Variants in ZNF395 observed in about 807,000 individuals in gnomAD.
ZNF395 encodes the protein zinc finger protein 395, also known as HD gene regulatory region-binding protein 2.
A neutral mutation model predicts 57.7 loss-of-function variants in ZNF395; 20 were observed. The observed-to-expected ratio is 0.35, with a 90% CI of 0.24 to 0.50. The LOEUF (loss-of-function observed/expected upper bound fraction) is 0.50. Among genes scored for constraint, ZNF395 ranks in the 20% least tolerant of loss-of-function variants. The pLI, the probability that ZNF395 is intolerant of heterozygous loss-of-function variation, is 0.97. For missense variants in ZNF395, 606 were observed against 671.2 expected, an observed-to-expected ratio of 0.90 and a Z score of 1.07; for synonymous variants, 295 against 275.9, an observed-to-expected ratio of 1.07 and a Z score of -0.69.
Position 28,356,642 on chromosome 8 carries a change from AG to A in ZNF395, c.583+27del. 1 of 1,589,072 alleles carries A rather than the reference AG, an allele frequency of 6.3e-7. No individual in the cohort carries two copies. The highest frequency in any genetic ancestry group is 8.6e-7 in the Non-Finnish European group (1 of 1,158,702). On this transcript the variant is annotated intron_variant, in intron 4 of 9. Transcript: ENST00000344423. This position sits in a 1 kb window ranked among gnomAD's most constrained non-coding sequence, Gnocchi z 4.0. ...TTTGTCGTGGGCCTCTACCATGCCCAGAACCCAGCTGGGCCCCGCTTGCTCA... is the reference window on the plus strand; with the variant it reads ...TTTGTCGTGGGCCTCTACCATGCCCAAACCCAGCTGGGCCCCGCTTGCTCA...
chr8:28,349,182 G>A lies in ZNF395; in HGVS notation c.1373C>T (p.Pro458Leu). 6.4e-7 allele frequency: 1 copy of A among 1,563,440 alleles called. No individual in the cohort carries two copies. The highest frequency in any genetic ancestry group is 1.4e-5 in the African/African-American group (1 of 73,254). Residue 458 changes from proline to leucine, a missense_variant, in exon 9 of 10, where the codon CCT becomes CTT. Coordinates refer to ENST00000344423, the MANE Select transcript of ZNF395 (RefSeq NM_018660.3). Reference sequence around the variant, plus strand: ...GACGATCAGATGAGATTTCATCGCAGGTGCTGGCTGCTGGGGCTCGCTGAA... The same window carrying A: ...GACGATCAGATGAGATTTCATCGCAAGTGCTGGCTGCTGGGGCTCGCTGAA... ...LSFSEPQQPA[P>L]AMKSHLIVTS... is the part of the protein sequence containing the mutation.
rs1801786616 is a variant in ZNF395, at chr8:28,356,832, T to C, written c.474-53A>G. On this transcript the variant is annotated intron_variant, in intron 3 of 9. Coordinates refer to ENST00000344423, the MANE Select transcript of ZNF395 (RefSeq NM_018660.3). This position sits in a 1 kb window ranked among gnomAD's most constrained non-coding sequence, Gnocchi z 4.0. ...GTTACTTCCTGGCATGGCGGGCCCA[T>C]GGTCCTTGCAAAACGAGACACCACT... 5.5e-6 allele frequency: 8 copies of C among 1,450,682 alleles called. No homozygotes were observed. Among genetic ancestry groups the C allele is most frequent in the Non-Finnish European group, 5.7e-6 (6 of 1,057,334 alleles). The allele number at this position is 1,450,682 out of a possible 1,614,324, so 89.9% of individuals were successfully genotyped here. A position where few individuals can be genotyped will look rare whatever the true frequency, so the allele number is the denominator to read the frequency against.
chr8:28,355,033 C>T (rs551032718), intron 4 of ZNF395, among the ~76,000 whole-genome samples: 65 of 151,938 alleles, frequency 4.3e-4, no homozygotes, highest in African/African-American at 1.5e-3. Context: ...TAAAGCAAAA[C>T]GTTATCTATA....
At chr8:28,368,905 G>A (rs770164648) in intron 1 of ZNF395, among the ~76,000 whole-genome samples, 3 of 151,840 alleles carry the variant, frequency 2.0e-5, no homozygotes, top group Non-Finnish European at 2.9e-5. Flanking sequence ...GCGCCATCTC[G>A]GCTCACTGCA....
chr8:28,350,285 T>C, intron 7 of ZNF395, 129 bp from the exon 8 acceptor site: 1 of 754,730 alleles, frequency 1.3e-6, no homozygotes, highest in Non-Finnish European at 2.2e-6. Context: ...CAGAAAGAGC[T>C]GGGACACACT....
intron 4 of ZNF395, 26 bp from the exon 5 acceptor site, chr8:28,353,434 G>A (rs777362321): frequency 1.8e-5 from 26 of 1,471,110 alleles, no homozygotes; most frequent in Non-Finnish European, 1.9e-5. Context: ...AAAGATGAGA[G>A]GACGCTCACG....
At chr8:28,353,789 A>G (rs1242071417) in intron 4 of ZNF395, among the ~76,000 whole-genome samples, 1 of 151,922 alleles carries the variant, frequency 6.6e-6, no homozygotes, top group Admixed American at 6.6e-5. Context: ...CATTAAATAA[A>G]GGGGGGATGG....
At chr8:28,383,144 G>C (rs1802130258) in intron 1 of ZNF395, among the ~76,000 whole-genome samples, 1 of 152,188 alleles carries the variant, frequency 6.6e-6, no homozygotes. Context: ...TCTTCTACTA[G>C]TTCACTGATC....
chr8:28,348,259 CTTTTTTTTTTTTT>C lies in ZNF395; in HGVS notation c.*447_*459del, dbSNP rs58805614. ...CTGAGTCACCCATCAGCCAGAAACT[CTTTTTTTTTTTTT>C]TTTTTTTTTTTTTTAAGAAAAGTAA... On this transcript the variant is annotated 3_prime_UTR_variant, in exon 10 of 10. Transcript: ENST00000344423. 1 of 90,464 alleles carries C rather than the reference CTTTTTTTTTTTTT, an allele frequency of 1.1e-5. No homozygotes were observed. Among genetic ancestry groups the C allele is most frequent in the Admixed American group, 1.4e-4 (1 of 7,264 alleles). 5.6% of individuals were successfully genotyped at this position (90,464 alleles called of 1,614,324 possible).
At position 28,359,890 on chromosome 8, in the gene ZNF395, A is replaced by C. The variant is rs928603654; in HGVS notation, c.241-66T>G. ...GGGTCTCGCCCTGAAGTTCTCATGC[A>C]CCCCACGTCCCAGGAGCCAGGATCT... On this transcript the variant is annotated intron_variant, in intron 2 of 9. Transcript: ENST00000344423. This position sits in a 1 kb window ranked among gnomAD's most constrained non-coding sequence, Gnocchi z 4.7. 66 of 1,534,258 alleles carry C rather than the reference A, an allele frequency of 4.3e-5. No individual in the cohort carries two copies. The highest frequency in any genetic ancestry group is 1.7e-4 in the Admixed American group (9 of 52,506).
At chr8:28,385,380 G>T (rs993996374) in intron 1 of ZNF395, 1 of 149,296 alleles carries the variant, frequency 6.7e-6, no homozygotes, top group East Asian at 2.0e-4. Context: ...GTTTGCACAA[G>T]ACAAACTCCC....
intron 1 of ZNF395, among the ~76,000 whole-genome samples, chr8:28,381,022 T>A (rs1345872728): frequency 1.2e-5 from 1 of 86,540 alleles, no homozygotes; most frequent in Non-Finnish European, 2.1e-5. Context: ...CTAGTGTGTG[T>A]GTGTGTGTGT....
intron 1 of ZNF395, chr8:28,384,953 G>C (rs1802153715): frequency 2.6e-5 from 4 of 152,262 alleles, no homozygotes. Context: ...TCCCTGACAG[G>C]ACCTGTGGAG....
chr8:28,350,010 T>C, intron 8 of ZNF395, 54 bp downstream of exon 8: 9 of 1,477,370 alleles, frequency 6.1e-6, no homozygotes, highest in Middle Eastern at 1.8e-4. Context: ...CCCTGGGATG[T>C]GTGGGAGAGC....
Position 28,353,258 on chromosome 8 carries a change from G to A in ZNF395, c.734C>T (p.Ala245Val). 1.6e-5 allele frequency: 23 copies of A among 1,409,152 alleles called. No homozygotes were observed. Among genetic ancestry groups the A allele is most frequent in the Non-Finnish European group, 2.2e-5 (23 of 1,051,338 alleles). 87.3% of individuals were successfully genotyped at this position (1,409,152 alleles called of 1,614,324 possible). The stretch of plus-strand genomic sequence containing the variant: ...ATGATCAGTTTGGGGAGAACCAAAA[G>A]CATCCCCCAAATACTTGGGGCTGGC... ...PQASPKYLGD[A>V]FGSPQTDHGF... Residue 245 changes from alanine (A) to valine (V), a missense_variant, in exon 5 of 10, where the codon GCT becomes GTT. Ala to Val is a moderately conservative substitution (Grantham distance 64). Coordinates refer to ENST00000344423, the MANE Select transcript of ZNF395 (RefSeq NM_018660.3).
At chr8:28,361,799 T>C (rs182880085) in intron 1 of ZNF395, among the ~76,000 whole-genome samples, 1 of 152,262 alleles carries the variant, frequency 6.6e-6, no homozygotes, top group African/African-American at 2.4e-5. Context: ...CCACAGAAAC[T>C]TGCCGAGCTT....
chr8:28,377,408 A>T (rs1802054460), intron 1 of ZNF395, among the ~76,000 whole-genome samples: 1 of 152,134 alleles, frequency 6.6e-6, no homozygotes, highest in Non-Finnish European at 1.5e-5. Flanking sequence ...GTCTCAAAAA[A>T]ATTTTTTTTA....
intron 9 of ZNF395, 80 bp downstream of exon 9, chr8:28,349,019 CTCTGGGGACTAACCCTGGTGACTTCA>C (rs1801644146): frequency 8.0e-7 from 1 of 1,257,498 alleles, no homozygotes; most frequent in Non-Finnish European, 1.1e-6. Context: ...CTGGGCTCCT[CTCTGGGGACTAACCCTGGTGACTTCA>C]TCTGGGTGGG....
chr8:28,353,306 G>A lies in ZNF395; in HGVS notation c.686C>T (p.Thr229Ile). Residue 229 changes from threonine (T) to isoleucine (I), a missense_variant, in exon 5 of 10, where the codon ACC becomes ATC. This residue lies in a region of ZNF395 where 309 missense variants were observed against 374.7 expected (regional missense o/e 0.82). Coordinates refer to ENST00000344423, the MANE Select transcript of ZNF395 (RefSeq NM_018660.3). ...GGCCTGGGGGTGGGGGGGCGAGGGGGTGGAGACACCACTGCTCCCACTCCA... is the reference window on the plus strand; with the variant it reads ...GGCCTGGGGGTGGGGGGGCGAGGGGATGGAGACACCACTGCTCCCACTCCA... Reference protein sequence around the residue: ...GHWSGSSGVSTPSPPHPQASP... With the variant: ...GHWSGSSGVSIPSPPHPQASP... 1 of 1,604,502 alleles carries A rather than the reference G, an allele frequency of 6.2e-7. No individual in the cohort carries two copies. The highest frequency in any genetic ancestry group is 8.5e-7 in the Non-Finnish European group (1 of 1,174,580).
Sources: allele counts gnomAD v4.1 joint callset (sites outside exome capture counted in the v4.1 genomes callset), GRCh38; gene constraint gnomAD v4.1.1; regional missense constraint gnomAD v4.1.1; non-coding constraint Gnocchi (gnomAD v3.1); transcripts MANE v1.5; gene names NCBI Gene and HGNC (gene_info 2026-07-23, HGNC 2026-07-21).